The following ARHGAP15 variants were observed in gnomAD, a reference collection of about 807,000 sequenced individuals.
ARHGAP15 encodes Rho GTPase activating protein 15, also known as rho GTPase-activating protein 15.
In ARHGAP15, 51 loss-of-function variants were observed where a neutral mutation model predicts 63.7. The ratio of observed to expected loss-of-function variants is 0.80; its 90% confidence interval spans 0.64 to 1.01. The LOEUF is 1.01. Ranked by LOEUF, ARHGAP15 falls within the 50% of genes least tolerant of loss-of-function variation. ARHGAP15 has a pLI of 0.00. For synonymous variants in ARHGAP15, 191 were observed against 193.8 expected (o/e 0.99, Z 0.12); for missense variants, 560 against 564.6 (o/e 0.99, Z 0.08).
chr2:143,561,119 G>C (rs755923999), intron 11 of ARHGAP15, among the ~76,000 whole-genome samples: 1 of 152,204 alleles, frequency 6.6e-6, no homozygotes, highest in Admixed American at 6.5e-5. Context: ...TGCATGTCTT[G>C]AGAACTTTTG....
At chr2:143,577,423 A>G (rs1160379170) in intron 11 of ARHGAP15, among the ~76,000 whole-genome samples, 1 of 152,166 alleles carries the variant, frequency 6.6e-6, no homozygotes, top group Non-Finnish European at 1.5e-5. Context: ...TTCTGATTTT[A>G]AGGGACAAAA....
intron 8 of ARHGAP15, among the ~76,000 whole-genome samples, chr2:143,477,781 T>A (rs1176325027): frequency 6.6e-6 from 1 of 152,166 alleles, no homozygotes; most frequent in African/African-American, 2.4e-5. Flanking sequence ...TATCAATGGT[T>A]CTTATCTGCT....
At chr2:143,519,389 TC>T (rs752035062) in intron 10 of ARHGAP15, 25 bp downstream of exon 10, 2 of 1,569,128 alleles carry the variant, frequency 1.3e-6, no homozygotes, top group Non-Finnish European at 1.8e-6. Context: ...GTGCAGCAGT[TC>T]CCCCCATTAC....
intron 12 of ARHGAP15, among the ~76,000 whole-genome samples, chr2:143,635,888 A>C (rs1298039764): frequency 6.6e-6 from 1 of 152,146 alleles, no homozygotes; most frequent in Admixed American, 6.5e-5. Context: ...GATAATTATG[A>C]GTGTTTTCTT....
intron 12 of ARHGAP15, among the ~76,000 whole-genome samples, chr2:143,677,212 G>A (rs1483208207): frequency 1.3e-5 from 2 of 152,226 alleles, no homozygotes; most frequent in African/African-American, 4.8e-5. Context: ...AGGGAATTCA[G>A]ACCTGATGAG....
At chr2:143,612,647 C>T (rs1344499947) in intron 11 of ARHGAP15, among the ~76,000 whole-genome samples, 4 of 152,184 alleles carry the variant, frequency 2.6e-5, no homozygotes, top group Non-Finnish European at 5.9e-5. Context: ...CTAGCTAAAG[C>T]AGGGACAGGG....
intron 12 of ARHGAP15, among the ~76,000 whole-genome samples, chr2:143,658,017 C>T (rs1279862198): frequency 6.6e-6 from 1 of 152,212 alleles, no homozygotes; most frequent in Non-Finnish European, 1.5e-5. Context: ...TCAGTTCCTT[C>T]AGTAACTACT....
chr2:143,282,910 T>G (rs1330008152), intron 6 of ARHGAP15, among the ~76,000 whole-genome samples: 1 of 152,182 alleles, frequency 6.6e-6, no homozygotes, highest in Non-Finnish European at 1.5e-5. Flanking sequence ...GGCGTTACGC[T>G]GTAGCCAGCC....
At chr2:143,405,382 T>G (rs1688157692) in intron 6 of ARHGAP15, among the ~76,000 whole-genome samples, 1 of 151,894 alleles carries the variant, frequency 6.6e-6, no homozygotes, top group African/African-American at 2.4e-5. Flanking sequence ...CTTATGAGAA[T>G]TCATTATTCT....
chr2:143,223,960 G>A (rs17812661), intron 4 of ARHGAP15, among the ~76,000 whole-genome samples: 22,040 of 152,172 alleles, frequency 0.14, 1,684 homozygotes, highest in Middle Eastern at 0.24. Context: ...CCATCTTCTT[G>A]TAGTTAGAAG....
chr2:143,435,115 C>A (rs1458799184), intron 6 of ARHGAP15: 2 of 240,216 alleles, frequency 8.3e-6, no homozygotes, highest in Non-Finnish European at 1.3e-5. Flanking sequence ...TTTCAATGAA[C>A]TTTTGGAAGT....
chr2:143,468,663 A>AGAGTGT lies in ARHGAP15; in HGVS notation c.704-18709_704-18708insAGTGTG, dbSNP rs764115175. On this transcript the variant is annotated intron_variant, in intron 8 of 13. Coordinates refer to ENST00000295095, the MANE Select transcript of ARHGAP15 (RefSeq NM_018460.4). ...GAGAGAGAGAGAGAGAGAGAGAGAGAGTGTGTGTGTGTGTGTGTGTGTGTT... is the reference window on the plus strand; with the variant it reads ...GAGAGAGAGAGAGAGAGAGAGAGAGAGAGTGTGTGTGTGTGTGTGTGTGTGTGTGTT... Among the ~76,000 whole-genome samples, 51 of 136,328 alleles carry AGAGTGT rather than the reference A, an allele frequency of 3.7e-4. No homozygotes were observed. The East Asian group carries it at 5.2e-3, about 14-fold the overall frequency. 89.4% of individuals were successfully genotyped at this position (136,328 alleles called of 152,430 possible).
At chr2:143,292,682 GAA>G (rs532117244) in intron 6 of ARHGAP15, among the ~76,000 whole-genome samples, 1 of 151,782 alleles carries the variant, frequency 6.6e-6, no homozygotes, top group Non-Finnish European at 1.5e-5. Context: ...TAATTTTTAA[GAA>G]AATCTTATTT....
rs10548238 is a variant in ARHGAP15 at position 143,389,106 on chromosome 2, C to CATTATT, written c.475-46470_475-46465dup. Among the ~76,000 whole-genome samples, 1,169 of 146,048 alleles carry CATTATT rather than the reference C, an allele frequency of 8.0e-3. 8 individuals are homozygous for CATTATT. Among genetic ancestry groups the CATTATT allele is most frequent in the East Asian group, 0.012 (59 of 5,038 alleles). On this transcript the variant is annotated intron_variant, in intron 6 of 13. Transcript: ENST00000295095. ...TCTATTTTCTGTTCTTTTACTCAGACATTATTATTATTATTATTATTATTA... is the reference window on the plus strand; with the variant it reads ...TCTATTTTCTGTTCTTTTACTCAGACATTATTATTATTATTATTATTATTATTATTA...
At chr2:143,734,504 A>C (rs1212301784) in intron 13 of ARHGAP15, among the ~76,000 whole-genome samples, 1 of 152,328 alleles carries the variant, frequency 6.6e-6, no homozygotes, top group East Asian at 1.9e-4. Context: ...CCTCGTAAAA[A>C]ATTGTGTTTT....
intron 13 of ARHGAP15, among the ~76,000 whole-genome samples, chr2:143,730,892 TAAAAAAA>T (rs1158246680): frequency 0.03 from 2,490 of 83,970 alleles, 27 homozygotes; most frequent in Non-Finnish European, 0.043. Flanking sequence ...AGCACTCCTT[TAAAAAAA>T]AAAAAAAAAA....
At chr2:143,654,115 G>A (rs1681311552) in intron 12 of ARHGAP15, among the ~76,000 whole-genome samples, 1 of 152,056 alleles carries the variant, frequency 6.6e-6, no homozygotes, top group African/African-American at 2.4e-5. Context: ...TTTTAGAATG[G>A]GTTGGCCAAT....
chr2:143,667,104 T>G (rs1412202867), intron 12 of ARHGAP15, among the ~76,000 whole-genome samples: 3 of 151,380 alleles, frequency 2.0e-5, no homozygotes, highest in South Asian at 4.2e-4. Context: ...CATGCTGCTA[T>G]AAAGACACAT....
intron 12 of ARHGAP15, among the ~76,000 whole-genome samples, chr2:143,638,654 TAAAAAATA>T (rs769156730): frequency 0.056 from 3,496 of 61,904 alleles, 60 homozygotes; most frequent in South Asian, 0.15. Flanking sequence ...AGTATAATAA[TAAAAAATA>T]AATAAATAAA....
Sources: allele counts gnomAD v4.1 joint callset (sites outside exome capture counted in the v4.1 genomes callset), GRCh38; gene constraint gnomAD v4.1.1; transcripts MANE v1.5; gene names NCBI Gene and HGNC (gene_info 2026-07-23, HGNC 2026-07-21).